Variants in GNA15 observed in about 807,000 individuals in gnomAD.
GNA15 encodes the protein G protein subunit alpha 15.
GNA15 carries 23 observed loss-of-function variants against 40.1 expected under a neutral mutation model. The observed-to-expected ratio is 0.57, with a 90% CI of 0.41 to 0.81. The LOEUF (loss-of-function observed/expected upper bound fraction) is 0.81, where lower values mean the gene tolerates loss of function less well. Among genes scored for constraint, GNA15 ranks in the 40% least tolerant of loss-of-function variants. GNA15 has a pLI of 0.00. For missense variants in GNA15, 522 were observed against 515.8 expected, an observed-to-expected ratio of 1.01 and a Z score of -0.12; for synonymous variants, 226 against 210.4, an observed-to-expected ratio of 1.07 and a Z score of -0.64.
chr19:3,154,636 GTGGA>G lies in GNA15; in HGVS notation c.615-1179_615-1176del, dbSNP rs1422589059. On this transcript the variant is annotated intron_variant, in intron 4 of 6. Transcript: ENST00000262958. ...GATGGATGAGTGAATGGCTGGATGG[GTGGA>G]TGGATGGGTGGGTGGATGGATGATG... Among the ~76,000 whole-genome samples the G allele has an allele frequency of 3.3e-5, 5 of 150,778 alleles. No individual in the cohort carries two copies. The East Asian group carries it at 9.9e-4, about 30-fold the overall frequency.
intron 6 of GNA15, among the ~76,000 whole-genome samples, chr19:3,162,364 C>A (rs146716156): frequency 1.3e-5 from 2 of 149,910 alleles, no homozygotes; most frequent in Middle Eastern, 3.4e-3. Context: ...CCAGCCTGGG[C>A]GACAGAGCGA....
At chr19:3,137,923 T>C (rs1010912926) in intron 1 of GNA15, among the ~76,000 whole-genome samples, 5 of 151,946 alleles carry the variant, frequency 3.3e-5, no homozygotes, top group African/African-American at 1.2e-4. Flanking sequence ...ATCGGGCCAC[T>C]GCACTCCAGC....
rs551941186 is a variant in GNA15, at chr19:3,153,117, C to T, written c.614+1282C>T. On this transcript the variant is annotated intron_variant, in intron 4 of 6. Coordinates refer to ENST00000262958, the MANE Select transcript of GNA15 (RefSeq NM_002068.4). ...CACACCACCTTTAAGAGCTGTAACA[C>T]TTACTGCGAAGGTCTGCGGCTTCAT... 9.9e-5 allele frequency among the ~76,000 whole-genome samples: 15 copies of T among 152,254 alleles called. No homozygotes were observed. In the South Asian group the frequency reaches 2.9e-3, roughly 29 times the overall value.
intron 1 of GNA15, among the ~76,000 whole-genome samples, chr19:3,139,002 G>A (rs1376065170): frequency 6.8e-6 from 1 of 146,072 alleles, no homozygotes; most frequent in African/African-American, 2.6e-5. Context: ...TTGGAGTGCA[G>A]TGGTGAGATC....
At chr19:3,148,460 G>A (rs1380518522) in intron 1 of GNA15, 131 bp from the exon 2 acceptor site, 1 of 811,002 alleles carries the variant, frequency 1.2e-6, no homozygotes, top group African/African-American at 1.7e-5. Flanking sequence ...GTCACTGAGT[G>A]AGGTCCCGGC....
intron 6 of GNA15, among the ~76,000 whole-genome samples, chr19:3,161,182 A>T (rs991974873): frequency 6.6e-6 from 1 of 152,012 alleles, no homozygotes; most frequent in Non-Finnish European, 1.5e-5. Flanking sequence ...GGGCCCAACC[A>T]CACATCTGTC....
rs2144836251 is a variant in GNA15 at position 3,136,691 on chromosome 19, A to T, written c.145+96A>T. On this transcript the variant is annotated intron_variant, in intron 1 of 6. Coordinates refer to ENST00000262958, the MANE Select transcript of GNA15 (RefSeq NM_002068.4). This position sits in a 1 kb window ranked among gnomAD's most constrained non-coding sequence, Gnocchi z 4.9. ...AAGGAGGCGGATCAGGCTAGGTCAGACATTGGCATCGTGGAGCCGTCGCCT... is the reference window on the plus strand; with the variant it reads ...AAGGAGGCGGATCAGGCTAGGTCAGTCATTGGCATCGTGGAGCCGTCGCCT... 1 of 1,162,690 alleles carries T rather than the reference A, an allele frequency of 8.6e-7. No individual in the cohort carries two copies. The allele number at this position is 1,162,690 out of a possible 1,614,324, so 72.0% of individuals were successfully genotyped here. A position where few individuals can be genotyped will look rare whatever the true frequency, so the allele number is the denominator to read the frequency against.
chr19:3,136,354 C>T lies in GNA15; in HGVS notation c.-97C>T. On this transcript the variant is annotated 5_prime_UTR_variant, in exon 1 of 7. Transcript: ENST00000262958. This position sits in a 1 kb window ranked among gnomAD's most constrained non-coding sequence, Gnocchi z 4.9. Reference sequence around the variant, plus strand: ...GGCAGCCTCCCTGCGCACCCGGTTGCCCGGAGCCCTCTCCAGGGCCGGCTG... The same window carrying T: ...GGCAGCCTCCCTGCGCACCCGGTTGTCCGGAGCCCTCTCCAGGGCCGGCTG... 1 of 1,298,644 alleles carries T rather than the reference C, an allele frequency of 7.7e-7. No homozygotes were observed. The highest frequency in any genetic ancestry group is 1.0e-6 in the Non-Finnish European group (1 of 962,924). 80.4% of individuals were successfully genotyped at this position (1,298,644 alleles called of 1,614,324 possible).
In GNA15 at chr19:3,155,892, C is replaced by T; in HGVS notation, c.684C>T (p.Ala228=). 1 of 1,613,792 alleles carries T rather than the reference C, an allele frequency of 6.2e-7. No homozygotes were observed. The highest frequency in any genetic ancestry group is 8.5e-7 in the Non-Finnish European group (1 of 1,179,778). ...KWIHCFENVI[A]LIYLASLSEY... ...TCCATTGTTTCGAGAACGTGATCGC[C>T]CTCATCTACCTGGCCTCACTGAGTG... The change falls in exon 5 of 7, where the codon GCC becomes GCT. Residue 228 remains alanine, a synonymous_variant. Transcript: ENST00000262958. This position sits in a 1 kb window ranked among gnomAD's most constrained non-coding sequence, Gnocchi z 5.6.
intron 4 of GNA15, among the ~76,000 whole-genome samples, chr19:3,152,725 C>G (rs1269348895): frequency 6.6e-6 from 1 of 152,172 alleles, no homozygotes; most frequent in African/African-American, 2.4e-5. Context: ...GGGAGCTGAG[C>G]AGGGGTGCAA....
intron 1 of GNA15, among the ~76,000 whole-genome samples, chr19:3,138,061 C>T (rs918935145): frequency 1.3e-5 from 2 of 151,996 alleles, no homozygotes; most frequent in African/African-American, 2.4e-5. Context: ...GCCAGGAGTT[C>T]GAAATCAGCC....
intron 1 of GNA15, among the ~76,000 whole-genome samples, chr19:3,147,928 A>T (rs974206716): frequency 6.6e-6 from 1 of 151,828 alleles, no homozygotes; most frequent in Non-Finnish European, 1.5e-5. Context: ...AAACAAAAAC[A>T]AACAAAAACT....
rs1252442171 is a variant in GNA15 at position 3,136,612 on chromosome 19, T to A, written c.145+17T>A. ...TGCTTTTGGGTGAGTCCAGGGTCGG[T>A]GGGCGGTGGGTGGTGGGCAGTGGGC... On this transcript the variant is annotated intron_variant, in intron 1 of 6. Coordinates refer to ENST00000262958, the MANE Select transcript of GNA15 (RefSeq NM_002068.4). The surrounding 1 kb of genome is among the most constrained non-coding windows in gnomAD (Gnocchi z 4.9). 1.4e-6 allele frequency: 2 copies of A among 1,451,302 alleles called. No homozygotes were observed. The highest frequency in any genetic ancestry group is 1.9e-6 in the Non-Finnish European group (2 of 1,070,288). 89.9% of individuals were successfully genotyped at this position (1,451,302 alleles called of 1,614,324 possible). A position where few individuals can be genotyped will look rare whatever the true frequency, so the allele number is the denominator to read the frequency against.
intron 5 of GNA15, among the ~76,000 whole-genome samples, chr19:3,156,194 A>ACTCTACAGTG (rs1259167854): frequency 1.1e-5 from 1 of 92,068 alleles, no homozygotes; most frequent in Non-Finnish European, 2.3e-5. Flanking sequence ...ACACACACAC[A>ACTCTACAGTG]CACACACACT....
intron 2 of GNA15, 52 bp downstream of exon 2, chr19:3,148,827 G>T (rs763253915): frequency 6.7e-7 from 1 of 1,503,000 alleles, no homozygotes; most frequent in African/African-American, 1.4e-5. Context: ...CCCAGGGCAG[G>T]GTTCCCCAGA....
intron 1 of GNA15, among the ~76,000 whole-genome samples, chr19:3,146,839 T>A (rs2144848442): frequency 6.6e-6 from 1 of 151,876 alleles, no homozygotes; most frequent in South Asian, 2.1e-4. Flanking sequence ...GGCTCCCAAG[T>A]CCCTCAGGGT....
chr19:3,156,981 A>G (rs868738655), intron 5 of GNA15, among the ~76,000 whole-genome samples: 56 of 151,870 alleles, frequency 3.7e-4, no homozygotes, highest in African/African-American at 1.2e-3. Context: ...CCCATAACAC[A>G]AGGCATTTGA....
In GNA15 at chr19:3,148,683, C is replaced by T. The variant is rs541029560; in HGVS notation, c.238C>T (p.Pro80Ser). ...YSEEERKGFR[P>S]LVYQNIFVSM... ...GGAGGAGGAGCGCAAGGGCTTCCGG[C>T]CCCTGGTCTACCAGAACATCTTCGT... is the stretch of plus-strand genomic sequence containing the variant. The change falls in exon 2 of 7, where the codon CCC becomes TCC. Residue 80 changes from proline (P) to serine (S), a missense_variant. By Grantham distance (74) the Pro-to-Ser change is moderately conservative. Coordinates refer to ENST00000262958, the MANE Select transcript of GNA15 (RefSeq NM_002068.4). 6 of 1,597,098 alleles carry T rather than the reference C, an allele frequency of 3.8e-6. No homozygotes were observed. Among genetic ancestry groups the T allele is most frequent in the East Asian group, 4.5e-5 (2 of 44,152 alleles).
At chr19:3,140,063 C>CTATCTATCTATG (rs1568292417) in intron 1 of GNA15, among the ~76,000 whole-genome samples, 1 of 151,066 alleles carries the variant, frequency 6.6e-6, no homozygotes, top group African/African-American at 2.4e-5. Context: ...ATCTATCTAT[C>CTATCTATCTATG]TATCTATCTA....
Sources: gnomAD v4.1 joint callset for allele counts (sites outside exome capture counted in the v4.1 genomes callset) on GRCh38, gnomAD v4.1.1 for gene constraint, Gnocchi (gnomAD v3.1) non-coding constraint, MANE v1.5 for transcripts, NCBI Gene and HGNC (gene_info 2026-07-23, HGNC 2026-07-21) for gene names.